HERC1: variants seen among roughly 807,000 people sequenced by gnomAD.
The protein encoded by HERC1 is HECT and RLD domain containing E3 ubiquitin protein ligase family member 1.
A neutral mutation model predicts 554.3 loss-of-function variants in HERC1; 160 were observed. The observed-to-expected ratio is 0.29, with a 90% CI of 0.25 to 0.33. The LOEUF (loss-of-function observed/expected upper bound fraction) is 0.33. Ranked by LOEUF, HERC1 falls within the 10% of genes least tolerant of loss-of-function variation. HERC1 has a pLI of 1.00. For missense variants in HERC1, 4,919 were observed against 5,918.5 expected, an observed-to-expected ratio of 0.83 and a Z score of 5.54; for synonymous variants, 2,175 against 2,131.7, an observed-to-expected ratio of 1.02 and a Z score of -0.56.
rs1595883341 is a variant in HERC1, at chr15:63,644,930, T to C, written c.11184+62A>G. ...GACTTTTTTAGTAACCAAGGGAGAA[T>C]GACTCTGATGTCATATACTTTCCAT... On this transcript the variant is annotated intron_variant, in intron 57 of 77. Coordinates refer to ENST00000443617, the MANE Select transcript of HERC1 (RefSeq NM_003922.4). 2.4e-6 allele frequency: 3 copies of C among 1,240,674 alleles called. No homozygotes were observed. In the South Asian group the frequency reaches 3.6e-5, roughly 15 times the overall value. 76.9% of individuals were successfully genotyped at this position (1,240,674 alleles called of 1,614,324 possible). A position where few individuals can be genotyped will look rare whatever the true frequency, so the allele number is the denominator to read the frequency against.
Position 63,657,115 on chromosome 15 carries a change from C to T in HERC1, c.9600-757G>A, listed in dbSNP as rs114316120. On this transcript the variant is annotated intron_variant, in intron 48 of 77. Transcript: ENST00000443617. The stretch of plus-strand genomic sequence containing the variant: ...TAGTTGATACTATCGAACAGTTTTC[C>T]AAAGTGGTTATACCAATTCATTTTC... Among the ~76,000 whole-genome samples, 171 of 152,230 alleles carry T rather than the reference C, an allele frequency of 1.1e-3. 1 individual carries two copies. The highest frequency in any genetic ancestry group is 4.1e-3 in the African/African-American group (169 of 41,556).
At chr15:63,625,844 T>C in intron 71 of HERC1, 141 bp downstream of exon 71, 1 of 842,624 alleles carries the variant, frequency 1.2e-6, no homozygotes, top group Non-Finnish European at 2.0e-6. Flanking sequence ...AGCAATAAAA[T>C]GGGAATAGAA....
chr15:63,716,483 A>G lies in HERC1; in HGVS notation c.3979-10T>C. The G allele has an allele frequency of 6.3e-7, 1 of 1,579,532 alleles. No individual in the cohort carries two copies. Among genetic ancestry groups the G allele is most frequent in the Middle Eastern group, 1.7e-4 (1 of 5,896 alleles). On this transcript the variant is annotated splice_polypyrimidine_tract_variant and intron_variant, in intron 21 of 77. Coordinates refer to ENST00000443617, the MANE Select transcript of HERC1 (RefSeq NM_003922.4). ...CCTGGTTTTCTGATATCTTAAAGAA[A>G]TTATCAGAAACTACACTAAATACAT...
chr15:63,701,082 A>G (rs2072696140), intron 25 of HERC1, among the ~76,000 whole-genome samples: 1 of 151,892 alleles, frequency 6.6e-6, no homozygotes, highest in African/African-American at 2.4e-5. Flanking sequence ...TCTAGTTACT[A>G]ATACTTATAA....
intron 24 of HERC1, among the ~76,000 whole-genome samples, chr15:63,708,341 C>T (rs2073122137): frequency 2.0e-5 from 3 of 152,098 alleles, no homozygotes; most frequent in African/African-American, 7.2e-5. Context: ...GTGTGGTGAC[C>T]AACCTCTAGC....
chr15:63,774,810 A>C lies in HERC1; in HGVS notation c.814T>G (p.Leu272Val), dbSNP rs1185322250. The C allele has an allele frequency of 6.2e-7, 1 of 1,613,858 alleles. No individual in the cohort carries two copies. The highest frequency in any genetic ancestry group is 8.5e-7 in the Non-Finnish European group (1 of 1,179,892). ...RYLLEWIEMA[L>V]GASAVVHTME... ...GTGTGTACAACTGCCGAAGCCCCCA[A>C]AGCCATTTCTATCCATTCAAGAAGA... Residue 272 changes from leucine (L) to valine (V), a missense_variant, in exon 2 of 78, where the codon TTG becomes GTG. Transcript: ENST00000443617.
At chr15:63,829,576 T>C (rs2078082717) in intron 1 of HERC1, among the ~76,000 whole-genome samples, 1 of 138,926 alleles carries the variant, frequency 7.2e-6, no homozygotes, top group Non-Finnish European at 1.6e-5. Context: ...TATATATATA[T>C]ATATATATAT....
intron 76 of HERC1, among the ~76,000 whole-genome samples, chr15:63,614,102 C>T (rs904513184): frequency 2.6e-5 from 4 of 151,988 alleles, no homozygotes; most frequent in Admixed American, 6.6e-5. Flanking sequence ...TGAAGAGGAA[C>T]CAAAGACCAA....
rs950402891 is a variant in HERC1 at position 63,772,881 on chromosome 15, T to G, written c.930+1813A>C. On this transcript the variant is annotated intron_variant, in intron 2 of 77. Coordinates refer to ENST00000443617, the MANE Select transcript of HERC1 (RefSeq NM_003922.4). Reference sequence around the variant, plus strand: ...CTTATGATCTAAAATCCCCAAGTACTTACCTATGATAAAATTGTAAAACAT... The same window carrying G: ...CTTATGATCTAAAATCCCCAAGTACGTACCTATGATAAAATTGTAAAACAT... Among the ~76,000 whole-genome samples, 10 of 152,296 alleles carry G rather than the reference T, an allele frequency of 6.6e-5. No individual in the cohort carries two copies. The South Asian group carries it at 1.2e-3, about 19-fold the overall frequency.
intron 37 of HERC1, among the ~76,000 whole-genome samples, chr15:63,676,866 A>G (rs956701929): frequency 3.9e-5 from 6 of 152,266 alleles, no homozygotes; most frequent in African/African-American, 1.4e-4. Context: ...CAGTTACATA[A>G]TATCACCAAT....
rs1341679943 is a variant in HERC1, at chr15:63,747,007, C to G, written c.2431G>C (p.Ala811Pro). ...HLALALAGGV[A>P]TSILGRQAGP... ...GCCTGCCTCCCGAGAATGCTGGTAG[C>G]TACCCCTCCCGCAAGTGCAAGAGCA... The change falls in exon 12 of 78, where the codon GCT (alanine) becomes CCT (proline). Residue 811 changes from alanine (A) to proline (P), a missense_variant. By Grantham distance (27) the Ala-to-Pro change is conservative. Transcript: ENST00000443617. The G allele has an allele frequency of 1.3e-6, 2 of 1,582,226 alleles. No individual in the cohort carries two copies. The highest frequency in any genetic ancestry group is 1.3e-5 in the African/African-American group (1 of 74,170).
In HERC1 at chr15:63,663,166, T is replaced by G. The variant is rs776264005; in HGVS notation, c.8719A>C (p.Ser2907Arg). The stretch of plus-strand genomic sequence containing the variant: ...TGCAAAGATATTCCTTCTCTCCGAC[T>G]TTGATTCCTGTGGGCCTGCACAGAG... ...YRSVQAHRNQ[S>R]RREGISLQQD... Residue 2907 changes from serine to arginine, a missense_variant, in exon 44 of 78, where the codon AGT becomes CGT. Coordinates refer to ENST00000443617, the MANE Select transcript of HERC1 (RefSeq NM_003922.4). 37 of 1,613,920 alleles carry G rather than the reference T, an allele frequency of 2.3e-5. No individual in the cohort carries two copies. Among genetic ancestry groups the G allele is most frequent in the Non-Finnish European group, 3.0e-5 (35 of 1,179,886 alleles).
rs74021323 is a variant in HERC1 at position 63,710,137 on chromosome 15, C to T, written c.4584+2638G>A. On this transcript the variant is annotated intron_variant, in intron 24 of 77. Transcript: ENST00000443617. ...GACACTTCCCAGAATCTTTGATTTC[C>T]GAGTAGGCAGTGCAGTCACTCCTAG... 5.3e-3 allele frequency among the ~76,000 whole-genome samples: 814 copies of T among 152,270 alleles called. 10 individuals are homozygous for T. Among genetic ancestry groups the T allele is most frequent in the African/African-American group, 0.019 (775 of 41,548 alleles).
chr15:63,826,698 T>A (rs553151853), intron 1 of HERC1, among the ~76,000 whole-genome samples: 3 of 144,386 alleles, frequency 2.1e-5, no homozygotes, highest in African/African-American at 7.7e-5. Flanking sequence ...TTTCAAGCTA[T>A]AAGAACCAAC....
At chr15:63,803,011 A>G (rs2077039508) in intron 1 of HERC1, among the ~76,000 whole-genome samples, 1 of 152,082 alleles carries the variant, frequency 6.6e-6, no homozygotes, top group South Asian at 2.1e-4. Context: ...GGAGTTTGAG[A>G]CTAGCCTGGG....
chr15:63,694,584 T>C lies in HERC1; in HGVS notation c.5243-35A>G. The C allele has an allele frequency of 6.4e-7, 1 of 1,557,476 alleles. No homozygotes were observed. Among genetic ancestry groups the C allele is most frequent in the Non-Finnish European group, 8.8e-7 (1 of 1,130,770 alleles). ...AAAGAGACAGTTAAGAATCTTCCTT[T>C]CAGTAAACAAAGCATTTATTAAAAT... On this transcript the variant is annotated intron_variant, in intron 28 of 77. Coordinates refer to ENST00000443617, the MANE Select transcript of HERC1 (RefSeq NM_003922.4). The surrounding 1 kb of genome is among the most constrained non-coding windows in gnomAD (Gnocchi z 4.3).
intron 66 of HERC1, among the ~76,000 whole-genome samples, 175 bp from the exon 67 acceptor site, chr15:63,634,145 C>T (rs1438945027): frequency 6.6e-6 from 1 of 152,176 alleles, no homozygotes; most frequent in East Asian, 1.9e-4. Flanking sequence ...AGAAATAATT[C>T]TTAATGTCCA....
At position 63,663,118 on chromosome 15, in the gene HERC1, C is replaced by T; in HGVS notation, c.8767G>A (p.Asp2923Asn). 6.2e-7 allele frequency: 1 copy of T among 1,614,014 alleles called. No homozygotes were observed. The highest frequency in any genetic ancestry group is 8.5e-7 in the Non-Finnish European group (1 of 1,179,874). ...TCCAATTCCTCATCTAAATTAAAGTCATACAACGCCCCTGGGTCTTGCTGC... is the reference window on the plus strand; with the variant it reads ...TCCAATTCCTCATCTAAATTAAAGTTATACAACGCCCCTGGGTCTTGCTGC... Reference protein sequence around the residue: ...SLQQDPGALYDFNLDEELEID... With the variant: ...SLQQDPGALYNFNLDEELEID... The change falls in exon 44 of 78, where the codon GAC becomes AAC. Residue 2923 changes from aspartate to asparagine, a missense_variant. Physicochemically the swap from Asp to Asn is conservative, Grantham distance 23. Transcript: ENST00000443617.
intron 70 of HERC1, among the ~76,000 whole-genome samples, chr15:63,628,001 A>C (rs62012827): frequency 0.16 from 23,746 of 152,252 alleles, 2,252 homozygotes; most frequent in Middle Eastern, 0.21. Context: ...CAAATGGTTA[A>C]CTAAGGTGAG....
Sources: gnomAD v4.1 joint callset for allele counts (sites outside exome capture counted in the v4.1 genomes callset) on GRCh38, gnomAD v4.1.1 for gene constraint, Gnocchi (gnomAD v3.1) non-coding constraint, MANE v1.5 for transcripts, NCBI Gene and HGNC (gene_info 2026-07-23, HGNC 2026-07-21) for gene names.